The following GRIK3 variants were observed in gnomAD, a reference collection of about 807,000 sequenced individuals.
GRIK3 encodes the protein glutamate receptor ionotropic, kainate 3.
A neutral mutation model predicts 102.5 loss-of-function variants in GRIK3; 29 were observed. That is an observed-to-expected ratio of 0.28 (90% CI 0.21 to 0.39). The LOEUF (loss-of-function observed/expected upper bound fraction) is 0.39, where lower values mean the gene tolerates loss of function less well. Among genes scored for constraint, GRIK3 ranks in the 10% least tolerant of loss-of-function variants. The pLI is 1.00. For missense variants in GRIK3, 908 were observed against 1,252.4 expected, an observed-to-expected ratio of 0.73 and a Z score of 4.15; for synonymous variants, 511 against 504.9, an observed-to-expected ratio of 1.01 and a Z score of -0.16.
chr1:36,955,083 A>G (rs555516090), intron 1 of GRIK3, among the ~76,000 whole-genome samples: 3 of 152,368 alleles, frequency 2.0e-5, no homozygotes, highest in Admixed American at 2.0e-4. Context: ...ATGGGCCTCC[A>G]ACCCCAAGCA....
Position 36,872,084 on chromosome 1 carries a change from T to C in GRIK3, c.732+104A>G. 3.6e-6 allele frequency: 4 copies of C among 1,119,054 alleles called. No homozygotes were observed. In the South Asian group the frequency reaches 6.8e-5, roughly 19 times the overall value. The allele number at this position is 1,119,054 out of a possible 1,614,324, so 69.3% of individuals were successfully genotyped here. ...AGCAGGAAAGTGGCAGAGCTAGGAGTCAAACTTAGATCTGGCAGCATCACA... is the reference window on the plus strand; with the variant it reads ...AGCAGGAAAGTGGCAGAGCTAGGAGCCAAACTTAGATCTGGCAGCATCACA... On this transcript the variant is annotated intron_variant, in intron 4 of 15. Transcript: ENST00000373091. This position sits in a 1 kb window ranked among gnomAD's most constrained non-coding sequence, Gnocchi z 5.9.
intron 9 of GRIK3, 64 bp from the exon 10 acceptor site, chr1:36,842,003 C>T: frequency 7.5e-7 from 1 of 1,338,286 alleles, no homozygotes; most frequent in Non-Finnish European, 1.1e-6. Flanking sequence ...CAGGCTTGCA[C>T]TGGAGAGTCA....
At chr1:36,828,175 T>C (rs900966167) in intron 10 of GRIK3, among the ~76,000 whole-genome samples, 1 of 151,892 alleles carries the variant, frequency 6.6e-6, no homozygotes, top group Non-Finnish European at 1.5e-5. Flanking sequence ...GCTGGGGCTG[T>C]AGATAGGATC....
chr1:36,832,383 AGAG>A (rs1290325184), intron 10 of GRIK3, among the ~76,000 whole-genome samples: 1 of 152,174 alleles, frequency 6.6e-6, no homozygotes, highest in Non-Finnish European at 1.5e-5. Flanking sequence ...GCCGTTTACA[AGAG>A]GATAAAGCAA....
At chr1:36,963,868 A>T (rs1642053023) in intron 1 of GRIK3, among the ~76,000 whole-genome samples, 1 of 152,226 alleles carries the variant, frequency 6.6e-6, no homozygotes, top group Non-Finnish European at 1.5e-5. Flanking sequence ...CAGGCAATGC[A>T]TGGAACTGAG....
intron 3 of GRIK3, among the ~76,000 whole-genome samples, chr1:36,875,151 G>A (rs1640899976): frequency 6.6e-6 from 1 of 152,218 alleles, no homozygotes; most frequent in Non-Finnish European, 1.5e-5. Context: ...AAGGACCACA[G>A]AGGTTAAGTA....
At chr1:36,912,245 C>A (rs189534429) in intron 1 of GRIK3, among the ~76,000 whole-genome samples, 4 of 152,308 alleles carry the variant, frequency 2.6e-5, no homozygotes, top group Non-Finnish European at 5.9e-5. Flanking sequence ...CCTCTGCATG[C>A]CCTCAGCTTC....
chr1:36,954,279 CG>C (rs1425260425), intron 1 of GRIK3, among the ~76,000 whole-genome samples: 22 of 152,340 alleles, frequency 1.4e-4, no homozygotes, highest in African/African-American at 5.3e-4. Flanking sequence ...TAGCCTAAGA[CG>C]TCTTGGAATG....
At chr1:36,972,153 C>G (rs370148776) in intron 1 of GRIK3, among the ~76,000 whole-genome samples, 1 of 152,220 alleles carries the variant, frequency 6.6e-6, no homozygotes, top group Non-Finnish European at 1.5e-5. Context: ...GCATGGGCTC[C>G]GCCACGTGCT....
At position 36,806,361 on chromosome 1, in the gene GRIK3, T is replaced by C. The variant is rs1158813382; in HGVS notation, c.2092-35A>G. 2 of 1,401,332 alleles carry C rather than the reference T, an allele frequency of 1.4e-6. No individual in the cohort carries two copies. Among genetic ancestry groups the C allele is most frequent in the Non-Finnish European group, 2.0e-6 (2 of 995,994 alleles). The allele number at this position is 1,401,332 out of a possible 1,614,324, so 86.8% of individuals were successfully genotyped here. On this transcript the variant is annotated intron_variant, in intron 13 of 15. Coordinates refer to ENST00000373091, the MANE Select transcript of GRIK3 (RefSeq NM_000831.4). The surrounding 1 kb of genome is among the most constrained non-coding windows in gnomAD (Gnocchi z 4.0). ...GAGGGAAGGGGTGATGCACACACCG[T>C]TACTAGGCGCACCAGGGACCAAGCA...
At chr1:36,891,243 T>C in intron 1 of GRIK3, 147 bp from the exon 2 acceptor site, 1 of 564,014 alleles carries the variant, frequency 1.8e-6, no homozygotes, top group Middle Eastern at 4.8e-4. Context: ...CTAGAAAGTG[T>C]GCAGGAGCAC....
At chr1:36,915,306 T>C (rs1375579968) in intron 1 of GRIK3, among the ~76,000 whole-genome samples, 2 of 152,208 alleles carry the variant, frequency 1.3e-5, no homozygotes, top group East Asian at 3.8e-4. Flanking sequence ...CCTCAGCACT[T>C]AGAAGTTCCT....
At chr1:36,989,079 T>A (rs1393773817) in intron 1 of GRIK3, among the ~76,000 whole-genome samples, 4 of 151,962 alleles carry the variant, frequency 2.6e-5, no homozygotes, top group Non-Finnish European at 4.4e-5. Flanking sequence ...CCTCCCTCCC[T>A]GCACAAACAC....
At chr1:37,007,623 C>T (rs1642546436) in intron 1 of GRIK3, among the ~76,000 whole-genome samples, 2 of 152,372 alleles carry the variant, frequency 1.3e-5, no homozygotes, top group East Asian at 1.9e-4. Context: ...CGCACAAACG[C>T]TCCCGCACTA....
In GRIK3 at chr1:37,000,898, A is replaced by T. The variant is rs1642469618; in HGVS notation, c.115+33096T>A. Among the ~76,000 whole-genome samples, 6 of 152,358 alleles carry T rather than the reference A, an allele frequency of 3.9e-5. No homozygotes were observed. The South Asian group carries it at 1.2e-3, about 32-fold the overall frequency. ...CCCAAGGGAGTCTTTCATCTCCAAG[A>T]TCCACATTCAACAAATATCCACTGG... On this transcript the variant is annotated intron_variant, in intron 1 of 15. Transcript: ENST00000373091.
chr1:36,886,757 A>G (rs571421246), intron 2 of GRIK3, among the ~76,000 whole-genome samples: 2 of 152,320 alleles, frequency 1.3e-5, no homozygotes, highest in South Asian at 4.1e-4. Flanking sequence ...TGTATGCTAC[A>G]CTATCTCAGT....
intron 10 of GRIK3, among the ~76,000 whole-genome samples, chr1:36,839,751 G>A (rs931786820): frequency 1.3e-5 from 2 of 152,158 alleles, no homozygotes; most frequent in Non-Finnish European, 2.9e-5. Context: ...ATCAAACTGA[G>A]CTCGAGTTCA....
chr1:37,003,512 C>T (rs1444442885), intron 1 of GRIK3, among the ~76,000 whole-genome samples: 2 of 152,156 alleles, frequency 1.3e-5, no homozygotes, highest in African/African-American at 2.4e-5. Context: ...GCTTCTGGAT[C>T]CGGAGGTGGT....
intron 11 of GRIK3, among the ~76,000 whole-genome samples, chr1:36,824,556 G>A (rs576139444): frequency 2.6e-5 from 4 of 152,250 alleles, no homozygotes; most frequent in East Asian, 1.9e-4. Flanking sequence ...GGGGGAGGGC[G>A]GCTTTTAAAG....
Sources: gnomAD v4.1 joint callset for allele counts (sites outside exome capture counted in the v4.1 genomes callset) on GRCh38, gnomAD v4.1.1 for gene constraint, Gnocchi (gnomAD v3.1) non-coding constraint, MANE v1.5 for transcripts, NCBI Gene and HGNC (gene_info 2026-07-23, HGNC 2026-07-21) for gene names.